Variants in CTNND2 observed in about 807,000 individuals in gnomAD.
CTNND2 encodes the protein catenin delta-2.
In CTNND2, 22 loss-of-function variants were observed where a neutral mutation model predicts 144.4. The observed-to-expected ratio is 0.15, with a 90% confidence interval of 0.11 to 0.22. CTNND2 has a LOEUF of 0.22. Ranked by LOEUF, CTNND2 falls within the 10% of genes least tolerant of loss-of-function variation. The pLI, the probability that CTNND2 is intolerant of heterozygous loss-of-function variation, is 1.00. For missense variants in CTNND2, 1,353 were observed against 1,618.8 expected, an observed-to-expected ratio of 0.84 and a Z score of 2.82; for synonymous variants, 751 against 695.6, an observed-to-expected ratio of 1.08 and a Z score of -1.25.
At chr5:11,483,997 G>A (rs1317890172) in intron 3 of CTNND2, among the ~76,000 whole-genome samples, 3 of 152,192 alleles carry the variant, frequency 2.0e-5, no homozygotes, top group Admixed American at 1.3e-4. Flanking sequence ...ATTAGAATCA[G>A]TCCCAGTCAA....
At chr5:11,065,669 T>C (rs774491363) in intron 16 of CTNND2, among the ~76,000 whole-genome samples, 2 of 152,264 alleles carry the variant, frequency 1.3e-5, no homozygotes, top group Non-Finnish European at 2.9e-5. Flanking sequence ...TGGGGAGTCA[T>C]GCCCTACAAA....
At position 11,465,249 on chromosome 5, in the gene CTNND2, T is replaced by C. The variant is rs151069569; in HGVS notation, c.288-53180A>G. 1.4e-4 allele frequency among the ~76,000 whole-genome samples: 21 copies of C among 152,294 alleles called. No homozygotes were observed. The East Asian group carries it at 3.5e-3, about 25-fold the overall frequency. On this transcript the variant is annotated intron_variant, in intron 3 of 21. Coordinates refer to ENST00000304623, the MANE Select transcript of CTNND2 (RefSeq NM_001332.4). ...TCCAAAAAGCCCCAGTCTTTTACTA[T>C]GCATACCTATCCAGAGTTTTCCTTG...
intron 1 of CTNND2, among the ~76,000 whole-genome samples, chr5:11,838,485 ATT>A (rs1794293713): frequency 6.6e-6 from 1 of 152,156 alleles, no homozygotes; most frequent in South Asian, 2.1e-4. Flanking sequence ...TTTATGACTT[ATT>A]AGCTCTCCAA....
intron 2 of CTNND2, among the ~76,000 whole-genome samples, chr5:11,708,833 C>T (rs1347266172): frequency 2.6e-5 from 4 of 152,194 alleles, no homozygotes; most frequent in South Asian, 2.1e-4. Context: ...TGTTGTCAGC[C>T]CCCTCCCGTG....
intron 16 of CTNND2, among the ~76,000 whole-genome samples, chr5:11,033,306 A>C (rs78743917): frequency 6.6e-6 from 1 of 152,186 alleles, no homozygotes; most frequent in Non-Finnish European, 1.5e-5. Flanking sequence ...CCTCCAGCTT[A>C]CCCAAGAGTT....
chr5:11,001,095 G>A (rs1237034348), intron 18 of CTNND2, among the ~76,000 whole-genome samples: 1 of 152,144 alleles, frequency 6.6e-6, no homozygotes, highest in Non-Finnish European at 1.5e-5. Context: ...CACACACACT[G>A]AGCCCCAATC....
chr5:11,082,047 G>T (rs1441449486), intron 16 of CTNND2, among the ~76,000 whole-genome samples: 1 of 152,146 alleles, frequency 6.6e-6, no homozygotes, highest in East Asian at 1.9e-4. Context: ...GCTCCATTTT[G>T]TGATTCATTT....
At chr5:11,568,373 C>A (rs142658962) in intron 2 of CTNND2, among the ~76,000 whole-genome samples, 1 of 152,160 alleles carries the variant, frequency 6.6e-6, no homozygotes, top group African/African-American at 2.4e-5. Context: ...TCTCTCAAGG[C>A]AATCATTTCC....
chr5:11,101,885 A>ATGTGTGTGTGTGTGTGTGTGTG (rs1491537465), intron 14 of CTNND2, among the ~76,000 whole-genome samples: 2 of 89,580 alleles, frequency 2.2e-5, no homozygotes, highest in African/African-American at 9.3e-5. Context: ...TGACGACCAC[A>ATGTGTGTGTGTGTGTGTGTGTG]TATGTGTGTG....
chr5:11,289,085 TC>T (rs1227408557), intron 9 of CTNND2, among the ~76,000 whole-genome samples: 3 of 152,126 alleles, frequency 2.0e-5, no homozygotes, highest in East Asian at 1.9e-4. Flanking sequence ...CAGCCTGCCA[TC>T]CCCCCCGCCT....
At chr5:11,390,528 T>G (rs530339006) in intron 6 of CTNND2, among the ~76,000 whole-genome samples, 1 of 152,220 alleles carries the variant, frequency 6.6e-6, no homozygotes, top group African/African-American at 2.4e-5. Context: ...AATCTTGACT[T>G]CTCATCATGA....
chr5:11,081,203 G>A (rs930224731), intron 16 of CTNND2, among the ~76,000 whole-genome samples: 1 of 146,454 alleles, frequency 6.8e-6, no homozygotes, highest in African/African-American at 2.6e-5. Context: ...GTTGGTGGAA[G>A]GGTGCAAAGT....
Position 11,753,834 on chromosome 5 carries a change from G to T in CTNND2, c.38-21562C>A, listed in dbSNP as rs188671839. ...TCTGGTTCGCAGTGTTTTTATTACT[G>T]ATTCAATTTTGGAACTCATTATCAG... is the stretch of plus-strand genomic sequence containing the variant. On this transcript the variant is annotated intron_variant, in intron 1 of 21. Transcript: ENST00000304623. 1.8e-3 allele frequency among the ~76,000 whole-genome samples: 275 copies of T among 151,774 alleles called. 5 individuals carry two copies. Among genetic ancestry groups the T allele is most frequent in the Admixed American group, 0.016 (249 of 15,182 alleles).
chr5:11,376,778 T>C (rs986256066), intron 7 of CTNND2, among the ~76,000 whole-genome samples: 1 of 152,042 alleles, frequency 6.6e-6, no homozygotes, highest in African/African-American at 2.4e-5. Flanking sequence ...TGTCAGGGGG[T>C]GTCAACCTAG....
chr5:11,813,404 T>C (rs1043433022), intron 1 of CTNND2, among the ~76,000 whole-genome samples: 5 of 152,156 alleles, frequency 3.3e-5, no homozygotes, highest in African/African-American at 1.2e-4. Context: ...GCCACCCGAA[T>C]CTTGGAATGT....
chr5:11,723,094 T>TGAA (rs71595833), intron 2 of CTNND2, among the ~76,000 whole-genome samples: 34,219 of 151,930 alleles, frequency 0.23, 4,769 homozygotes, highest in African/African-American at 0.4. Flanking sequence ...TAAAAATCAC[T>TGAA]GAAGATTTTC....
rs1436213779 is a variant in CTNND2 at position 11,252,916 on chromosome 5, C to T, written c.1629-16093G>A. Among the ~76,000 whole-genome samples, 6 of 152,310 alleles carry T rather than the reference C, an allele frequency of 3.9e-5. No homozygotes were observed. The South Asian group carries it at 8.3e-4, about 21-fold the overall frequency. On this transcript the variant is annotated intron_variant, in intron 9 of 21. Coordinates refer to ENST00000304623, the MANE Select transcript of CTNND2 (RefSeq NM_001332.4). ...CTCTTTCAATTATGATTGCCTTCTC[C>T]CCTCTAAATCAAGAGTTGTGTAATC... is the stretch of plus-strand genomic sequence containing the variant.
At chr5:11,410,723 G>A (rs1196992013) in intron 5 of CTNND2, among the ~76,000 whole-genome samples, 1 of 152,090 alleles carries the variant, frequency 6.6e-6, no homozygotes, top group African/African-American at 2.4e-5. Context: ...GTTAAATACA[G>A]AAATGTAAGA....
At chr5:11,454,619 C>CA (rs1765579388) in intron 3 of CTNND2, among the ~76,000 whole-genome samples, 2 of 150,062 alleles carry the variant, frequency 1.3e-5, no homozygotes, top group African/African-American at 2.5e-5. Context: ...TTTGTTGAGA[C>CA]AGAGTCTTGC....
Sources: gnomAD v4.1 joint callset for allele counts (sites outside exome capture counted in the v4.1 genomes callset) on GRCh38, gnomAD v4.1.1 for gene constraint, MANE v1.5 for transcripts, NCBI Gene and HGNC (gene_info 2026-07-23, HGNC 2026-07-21) for gene names.